The following MECOM variants were observed in gnomAD, a reference collection of about 807,000 sequenced individuals.
The protein encoded by MECOM is MDS1 and EVI1 complex locus.
In MECOM, 13 loss-of-function variants were observed where a neutral mutation model predicts 116.3. That is an observed-to-expected ratio of 0.11 (90% confidence interval 0.07 to 0.18). The LOEUF (loss-of-function observed/expected upper bound fraction) is 0.18. Among genes scored for constraint, MECOM ranks in the 10% least tolerant of loss-of-function variants. The pLI is 1.00. For missense variants in MECOM, 1,299 were observed against 1,509.0 expected (o/e 0.86, Z 2.31); for synonymous variants, 528 against 535.2 (o/e 0.99, Z 0.19).
At chr3:169,330,132 C>T (rs1286900692) in intron 2 of MECOM, among the ~76,000 whole-genome samples, 7 of 152,180 alleles carry the variant, frequency 4.6e-5, no homozygotes, top group Admixed American at 6.5e-5. Flanking sequence ...CTTAAGTGAT[C>T]CTCCCACCTC....
At chr3:169,298,876 C>T (rs994494883) in intron 2 of MECOM, among the ~76,000 whole-genome samples, 2 of 152,090 alleles carry the variant, frequency 1.3e-5, no homozygotes, top group African/African-American at 4.8e-5. Flanking sequence ...GGTCCTGCCT[C>T]AGCATTGTTC....
At chr3:169,360,622 A>G (rs549233191) in intron 2 of MECOM, among the ~76,000 whole-genome samples, 15 of 151,936 alleles carry the variant, frequency 9.9e-5, no homozygotes, top group African/African-American at 2.7e-4. Flanking sequence ...TAGTTATGAT[A>G]TTATTCTCAG....
intron 2 of MECOM, among the ~76,000 whole-genome samples, chr3:169,189,722 TA>T (rs1350445355): frequency 1.3e-5 from 2 of 152,086 alleles, no homozygotes; most frequent in Admixed American, 6.6e-5. Context: ...CTGGACATCC[TA>T]AAAGACCGCT....
intron 2 of MECOM, among the ~76,000 whole-genome samples, chr3:169,365,646 A>G (rs1396804804): frequency 6.6e-6 from 1 of 151,998 alleles, no homozygotes. Flanking sequence ...TTTCTATTTA[A>G]TATCCATACT....
intron 1 of MECOM, among the ~76,000 whole-genome samples, chr3:169,639,806 T>A (rs1298046766): frequency 6.6e-6 from 1 of 152,244 alleles, no homozygotes; most frequent in Non-Finnish European, 1.5e-5. Context: ...AATTCATAAG[T>A]ATCTATACCT....
At chr3:169,386,590 G>A (rs1733354056) in intron 1 of MECOM, among the ~76,000 whole-genome samples, 1 of 152,030 alleles carries the variant, frequency 6.6e-6, no homozygotes, top group Non-Finnish European at 1.5e-5. Flanking sequence ...ACATTTAATT[G>A]CTTTATAATA....
intron 9 of MECOM, among the ~76,000 whole-genome samples, chr3:169,108,611 G>C (rs992296035): frequency 6.6e-6 from 1 of 152,120 alleles, no homozygotes; most frequent in African/African-American, 2.4e-5. Flanking sequence ...ATATCATTTT[G>C]CTTGGTTAAA....
intron 2 of MECOM, among the ~76,000 whole-genome samples, chr3:169,248,449 T>C (rs894033270): frequency 6.6e-6 from 1 of 152,212 alleles, no homozygotes; most frequent in African/African-American, 2.4e-5. Context: ...TTAGTCTAAG[T>C]CTCTATACAT....
chr3:169,321,264 G>T (rs1344051107), intron 2 of MECOM, among the ~76,000 whole-genome samples: 1 of 152,204 alleles, frequency 6.6e-6, no homozygotes, highest in Admixed American at 6.5e-5. Flanking sequence ...AGAGTGGGCC[G>T]GGTGAGGTGG....
intron 2 of MECOM, among the ~76,000 whole-genome samples, chr3:169,229,121 T>C (rs1753083560): frequency 6.6e-6 from 1 of 152,198 alleles, no homozygotes; most frequent in Non-Finnish European, 1.5e-5. Context: ...TCCGTTTACT[T>C]ACAGTAAAAT....
chr3:169,262,148 T>C (rs1757659345), intron 2 of MECOM, among the ~76,000 whole-genome samples: 1 of 152,208 alleles, frequency 6.6e-6, no homozygotes, highest in African/African-American at 2.4e-5. Flanking sequence ...AATAGTAACA[T>C]CCTGATTTTT....
In MECOM at chr3:169,512,241, C is replaced by A. The variant is rs181287383; in HGVS notation, c.38-130717G>T. Reference sequence around the variant, plus strand: ...AGCTCCTCCCTCATCCCCCAACCACCCTACCATACCCTGAGGCCAAGGCCA... The same window carrying A: ...AGCTCCTCCCTCATCCCCCAACCACACTACCATACCCTGAGGCCAAGGCCA... On this transcript the variant is annotated intron_variant, in intron 1 of 16. Coordinates refer to ENST00000651503, the MANE Select transcript of MECOM (RefSeq NM_004991.4). Among the ~76,000 whole-genome samples, 583 of 152,288 alleles carry A rather than the reference C, an allele frequency of 3.8e-3. 5 individuals carry two copies. The highest frequency in any genetic ancestry group is 0.013 in the African/African-American group (549 of 41,548).
At chr3:169,287,221 C>T (rs1299751759) in intron 2 of MECOM, among the ~76,000 whole-genome samples, 4 of 152,174 alleles carry the variant, frequency 2.6e-5, no homozygotes, top group Non-Finnish European at 5.9e-5. Context: ...CTCCAGGAAA[C>T]ACGGATGGAG....
intron 2 of MECOM, among the ~76,000 whole-genome samples, chr3:169,235,936 C>A (rs1754006200): frequency 6.8e-6 from 1 of 146,078 alleles, no homozygotes; most frequent in Non-Finnish European, 1.5e-5. Flanking sequence ...TTTTTTTTTA[C>A]TTTATAATGG....
chr3:169,543,488 T>G (rs553268809), intron 1 of MECOM, among the ~76,000 whole-genome samples: 2 of 152,236 alleles, frequency 1.3e-5, no homozygotes, highest in South Asian at 4.1e-4. Flanking sequence ...AACCCAGGTG[T>G]TTAAGGTTAC....
chr3:169,476,584 T>C (rs1234554703), intron 1 of MECOM, among the ~76,000 whole-genome samples: 1 of 152,184 alleles, frequency 6.6e-6, no homozygotes, highest in African/African-American at 2.4e-5. Flanking sequence ...CAATGCTTGA[T>C]GCAGATCGAG....
At chr3:169,219,772 T>G (rs1751888627) in intron 2 of MECOM, among the ~76,000 whole-genome samples, 1 of 149,688 alleles carries the variant, frequency 6.7e-6, no homozygotes, top group African/African-American at 2.4e-5. Flanking sequence ...TATAATGGTA[T>G]ATATATATTA....
chr3:169,305,864 GAC>G (rs1342737473), intron 2 of MECOM, among the ~76,000 whole-genome samples: 9 of 150,586 alleles, frequency 6.0e-5, no homozygotes, highest in African/African-American at 2.0e-4. Context: ...CCTTCCCAAT[GAC>G]TTACTTCAAC....
intron 1 of MECOM, among the ~76,000 whole-genome samples, chr3:169,382,879 A>AAAAAAAAAAAAAAAG (rs1358767356): frequency 1.2e-4 from 16 of 138,528 alleles, no homozygotes; most frequent in East Asian, 4.8e-4. Context: ...AAAAATAAAA[A>AAAAAAAAAAAAAAAG]AAGAAGGTAA....
Sources: allele counts gnomAD v4.1 joint callset (sites outside exome capture counted in the v4.1 genomes callset), GRCh38; gene constraint gnomAD v4.1.1; transcripts MANE v1.5; gene names NCBI Gene and HGNC (gene_info 2026-07-23, HGNC 2026-07-21).